Variants in SLC25A33 observed in about 807,000 individuals in gnomAD.
SLC25A33 encodes bone marrow stromal cell mitochondrial carrier protein.
Under a neutral mutation model 35.5 loss-of-function variants are expected in SLC25A33, and 15 were observed. The observed-to-expected ratio is 0.42, with a 90% CI of 0.28 to 0.65. The LOEUF (loss-of-function observed/expected upper bound fraction) is 0.65. Among genes scored for constraint, SLC25A33 ranks in the 30% least tolerant of loss-of-function variants. SLC25A33 has a pLI of 0.20. For synonymous variants in SLC25A33, 136 were observed against 148.7 expected (o/e 0.91, Z 0.62); for missense variants, 257 against 398.5 (o/e 0.64, Z 3.02).
intron 1 of SLC25A33, 57 bp from the exon 2 acceptor site, chr1:9,553,569 A>G: frequency 6.3e-7 from 1 of 1,579,720 alleles, no homozygotes; most frequent in Non-Finnish European, 8.6e-7. Context: ...TAAGCTTAGC[A>G]TTCCATTGTG....
rs1282229825 is a variant in SLC25A33, at chr1:9,580,073, T to C, written c.602T>C (p.Ile201Thr). ...TCGTATGCTGGAATTTCCGAAACTA[T>C]AATCTGCTTTGCTATTTATGAAAGT... is the stretch of plus-strand genomic sequence containing the variant. ...TASYAGISET[I>T]ICFAIYESLK... Residue 201 changes from isoleucine to threonine, a missense_variant, in exon 6 of 7, where the codon ATA (isoleucine) becomes ACA (threonine). Transcript: ENST00000302692. 8 of 1,613,200 alleles carry C rather than the reference T, an allele frequency of 5.0e-6. No individual in the cohort carries two copies. The highest frequency in any genetic ancestry group is 5.9e-6 in the Non-Finnish European group (7 of 1,179,338).
intron 2 of SLC25A33, among the ~76,000 whole-genome samples, chr1:9,558,930 A>G (rs537615316): frequency 6.6e-6 from 1 of 152,216 alleles, no homozygotes; most frequent in South Asian, 2.1e-4. Flanking sequence ...CCTGTGGCCT[A>G]CTAGGTTCTA....
chr1:9,570,119 A>T, intron 3 of SLC25A33, 139 bp from the exon 4 acceptor site: 1 of 633,544 alleles, frequency 1.6e-6, no homozygotes. Flanking sequence ...TTTTGGTTTT[A>T]GCACAGGCGA....
At chr1:9,576,477 C>T in intron 5 of SLC25A33, 1 of 445,380 alleles carries the variant, frequency 2.2e-6, no homozygotes, top group Non-Finnish European at 4.4e-6. Flanking sequence ...AAAATGTCAA[C>T]ATTACCCTGA....
At chr1:9,540,359 G>A (rs977287062) in intron 1 of SLC25A33, among the ~76,000 whole-genome samples, 4 of 152,286 alleles carry the variant, frequency 2.6e-5, no homozygotes, top group Admixed American at 1.3e-4. Flanking sequence ...CTCGCCGGCT[G>A]GTAGACGCTT....
chr1:9,561,577 T>C (rs1253309602), intron 2 of SLC25A33, among the ~76,000 whole-genome samples: 1 of 152,110 alleles, frequency 6.6e-6, no homozygotes. Flanking sequence ...GTTAGAAGTT[T>C]GGATTATGTA....
At chr1:9,574,012 G>T (rs1301357381) in intron 5 of SLC25A33, among the ~76,000 whole-genome samples, 1 of 151,768 alleles carries the variant, frequency 6.6e-6, no homozygotes, top group Non-Finnish European at 1.5e-5. Flanking sequence ...TTTGTTTTGA[G>T]ATAGGGTCTT....
chr1:9,569,453 C>T (rs570315128), intron 3 of SLC25A33, among the ~76,000 whole-genome samples: 15 of 152,290 alleles, frequency 9.8e-5, no homozygotes, highest in African/African-American at 3.4e-4. Flanking sequence ...AGAGCCCTCG[C>T]TGCTCACAGG....
Position 9,570,228 on chromosome 1 carries a change from TTCTTTATAATGTTC to T in SLC25A33, c.315-24_315-11del. ...ACGTATAAAGTTGCACTGTGATGAT[TTCTTTATAATGTTC>T]TCTTTGTTCTAACAGGGCTGTATAC... On this transcript the variant is annotated splice_polypyrimidine_tract_variant and intron_variant, in intron 3 of 6. Coordinates refer to ENST00000302692, the MANE Select transcript of SLC25A33 (RefSeq NM_032315.3). The T allele has an allele frequency of 6.3e-7, 1 of 1,590,342 alleles. No homozygotes were observed. Among genetic ancestry groups the T allele is most frequent in the Non-Finnish European group, 8.6e-7 (1 of 1,163,066 alleles).
rs915052785 is a variant in SLC25A33, at chr1:9,578,867, T to A, written c.483-1087T>A. On this transcript the variant is annotated intron_variant, in intron 5 of 6. Coordinates refer to ENST00000302692, the MANE Select transcript of SLC25A33 (RefSeq NM_032315.3). This position sits in a 1 kb window ranked among gnomAD's most constrained non-coding sequence, Gnocchi z 4.3. ...GTGACTTAATCTAGCAGATATACCGTGGTCAGCTATCTGGATTGTTGTCCT... is the reference window on the plus strand; with the variant it reads ...GTGACTTAATCTAGCAGATATACCGAGGTCAGCTATCTGGATTGTTGTCCT... 1.5e-4 allele frequency among the ~76,000 whole-genome samples: 23 copies of A among 152,242 alleles called. No individual in the cohort carries two copies. The highest frequency in any genetic ancestry group is 5.5e-4 in the African/African-American group (23 of 41,466).
At chr1:9,559,701 G>C (rs920380887) in intron 2 of SLC25A33, among the ~76,000 whole-genome samples, 18 of 152,082 alleles carry the variant, frequency 1.2e-4, no homozygotes, top group Admixed American at 3.3e-4. Flanking sequence ...GAAGCTTTAG[G>C]GGGGCTTAAC....
At chr1:9,565,633 C>A (rs1643490701) in intron 2 of SLC25A33, among the ~76,000 whole-genome samples, 1 of 151,930 alleles carries the variant, frequency 6.6e-6, no homozygotes, top group Non-Finnish European at 1.5e-5. Context: ...AATCCCAGCA[C>A]TTTGGGAGGC....
At chr1:9,577,043 G>T in intron 5 of SLC25A33, 1 of 753,644 alleles carries the variant, frequency 1.3e-6, no homozygotes, top group Non-Finnish European at 2.2e-6. Context: ...AAGACCTATT[G>T]GTGATATTTA....
intron 6 of SLC25A33, 80 bp downstream of exon 6, chr1:9,580,314 G>A: frequency 1.3e-6 from 2 of 1,537,476 alleles, no homozygotes; most frequent in South Asian, 1.3e-5. Flanking sequence ...GACTTCTGAG[G>A]CGCACATTGA....
At position 9,580,725 on chromosome 1, in the gene SLC25A33, G is replaced by A. The variant is rs560877809; in HGVS notation, c.763+491G>A. Among the ~76,000 whole-genome samples the A allele has an allele frequency of 1.2e-4, 18 of 151,782 alleles. No homozygotes were observed. In the South Asian group the frequency reaches 2.9e-3, roughly 25 times the overall value. On this transcript the variant is annotated intron_variant, in intron 6 of 6. Coordinates refer to ENST00000302692, the MANE Select transcript of SLC25A33 (RefSeq NM_032315.3). ...ACAAAAATTAGCTGGGCGTGGTGGC[G>A]CACGCCTGTAGTCCCAGCTACTTGG...
chr1:9,540,088 C>T (rs1272716537), intron 1 of SLC25A33, among the ~76,000 whole-genome samples: 1 of 152,172 alleles, frequency 6.6e-6, no homozygotes, highest in Non-Finnish European at 1.5e-5. Context: ...CGCGGCCCCC[C>T]CTCCCCCGCC....
Position 9,539,634 on chromosome 1 carries a change from T to C in SLC25A33, c.-58T>C, listed in dbSNP as rs1643044542. ...AAGACCCGGCGACCTCGCGCATCCC[T>C]CGAGCCGCCACGCGCTCTCGCCACC... On this transcript the variant is annotated 5_prime_UTR_variant, in exon 1 of 7. Coordinates refer to ENST00000302692, the MANE Select transcript of SLC25A33 (RefSeq NM_032315.3). The C allele has an allele frequency of 7.0e-6, 9 of 1,289,862 alleles. No homozygotes were observed. The East Asian group carries it at 3.1e-4, about 45-fold the overall frequency. The allele number at this position is 1,289,862 out of a possible 1,614,324, so 79.9% of individuals were successfully genotyped here.
chr1:9,570,447 G>C, intron 4 of SLC25A33, 89 bp downstream of exon 4: 2 of 1,121,632 alleles, frequency 1.8e-6, no homozygotes, highest in Non-Finnish European at 2.6e-6. Context: ...TTAGAAATTA[G>C]CTCCTTGCTT....
At chr1:9,545,735 G>A (rs954696162) in intron 1 of SLC25A33, among the ~76,000 whole-genome samples, 1 of 151,014 alleles carries the variant, frequency 6.6e-6, no homozygotes, top group African/African-American at 2.4e-5. Flanking sequence ...CGAGGCAGGT[G>A]GATCACTTGA....
Sources: gnomAD v4.1 joint callset for allele counts (sites outside exome capture counted in the v4.1 genomes callset) on GRCh38, gnomAD v4.1.1 for gene constraint, Gnocchi (gnomAD v3.1) non-coding constraint, MANE v1.5 for transcripts, NCBI Gene and HGNC (gene_info 2026-07-23, HGNC 2026-07-21) for gene names.